Variants in MAPK4 observed in about 807,000 individuals in gnomAD.
The protein encoded by MAPK4 is Erk3-related.
In MAPK4, 22 loss-of-function variants were observed where a neutral mutation model predicts 47.7. That is an observed-to-expected ratio of 0.46 (90% confidence interval 0.33 to 0.66). The LOEUF (loss-of-function observed/expected upper bound fraction) is 0.66. MAPK4 is among the 30% of genes least tolerant of loss of function. The probability of loss-of-function intolerance (pLI) is 0.02; values close to 1 mark genes in which losing one functional copy is unlikely to be tolerated. For missense variants in MAPK4, 736 were observed against 831.7 expected (o/e 0.88, Z 1.42); for synonymous variants, 390 against 365.7 (o/e 1.07, Z -0.76).
intron 2 of MAPK4, among the ~76,000 whole-genome samples, chr18:50,694,826 T>C (rs1408377088): frequency 6.6e-6 from 1 of 152,164 alleles, no homozygotes; most frequent in African/African-American, 2.4e-5. Flanking sequence ...GGCATCCAGA[T>C]GTTAGTCATT....
Position 50,715,146 on chromosome 18 carries a change from A to T in MAPK4, c.614A>T (p.Asn205Ile). The T allele has an allele frequency of 1.9e-6, 3 of 1,614,092 alleles. No homozygotes were observed. Among genetic ancestry groups the T allele is most frequent in the Non-Finnish European group, 1.7e-6 (2 of 1,180,002 alleles). Residue 205 changes from asparagine (N) to isoleucine (I), a missense_variant, in exon 3 of 6, where the codon AAC becomes ATC. By Grantham distance (149) the Asn-to-Ile change is moderately radical (BLOSUM62 -3). This residue lies in a region of MAPK4 where 327 missense variants were observed against 395.4 expected (regional missense o/e 0.83). Coordinates refer to ENST00000400384, the MANE Select transcript of MAPK4 (RefSeq NM_002747.4). ...CCACGACTGCTCCTTTCCCCCAATA[A>T]CTACACCAAAGCCATCGACATGTGG... ...RSPRLLLSPNNYTKAIDMWAA... is the reference protein window; with the variant it reads ...RSPRLLLSPNIYTKAIDMWAA...
intron 1 of MAPK4, among the ~76,000 whole-genome samples, chr18:50,656,479 C>G (rs1390386693): frequency 6.6e-6 from 1 of 152,210 alleles, no homozygotes; most frequent in East Asian, 1.9e-4. Flanking sequence ...GAGTGATTAC[C>G]TCAGATGGAA....
chr18:50,693,119 C>T (rs972121027), intron 2 of MAPK4, among the ~76,000 whole-genome samples: 2 of 152,044 alleles, frequency 1.3e-5, no homozygotes, highest in African/African-American at 2.4e-5. Context: ...AGTAGCCTGG[C>T]ATGGTGGCGC....
Position 50,729,981 on chromosome 18 carries a change from C to T in MAPK4, c.*127C>T, listed in dbSNP as rs1911470668. 3 of 958,438 alleles carry T rather than the reference C, an allele frequency of 3.1e-6. No individual in the cohort carries two copies. The highest frequency in any genetic ancestry group is 4.1e-5 in the South Asian group (2 of 48,680). 59.4% of individuals were successfully genotyped at this position (958,438 alleles called of 1,614,324 possible). On this transcript the variant is annotated 3_prime_UTR_variant, in exon 6 of 6. Transcript: ENST00000400384. ...GGGTTGGCAGAACACGTGAAGGATC[C>T]GAGGAGCGAGAGGAATGTCCATTTC...
chr18:50,674,232 G>C (rs1312895742), intron 2 of MAPK4, among the ~76,000 whole-genome samples: 5 of 152,190 alleles, frequency 3.3e-5, no homozygotes, highest in Non-Finnish European at 4.4e-5. Flanking sequence ...ACAGGACACT[G>C]TCTTATTCTA....
At chr18:50,619,750 A>T (rs1425086628) in intron 1 of MAPK4, among the ~76,000 whole-genome samples, 2 of 152,242 alleles carry the variant, frequency 1.3e-5, no homozygotes, top group Non-Finnish European at 2.9e-5. Context: ...CTCACACTCC[A>T]TGGAAACCTA....
rs748988304 is a variant in MAPK4, at chr18:50,678,942, C to T, written c.546+14438C>T. On this transcript the variant is annotated intron_variant, in intron 2 of 5. Coordinates refer to ENST00000400384, the MANE Select transcript of MAPK4 (RefSeq NM_002747.4). The surrounding 1 kb of genome is among the most constrained non-coding windows in gnomAD (Gnocchi z 4.2). ...ATGGTCATGAAGATTTTTTTTGCAG[C>T]GTCTTCTGCATACAAATACTACCAT... 3.3e-5 allele frequency among the ~76,000 whole-genome samples: 5 copies of T among 152,038 alleles called. No individual in the cohort carries two copies. The highest frequency in any genetic ancestry group is 1.9e-4 in the East Asian group (1 of 5,186).
chr18:50,696,158 G>A (rs969242599), intron 2 of MAPK4, among the ~76,000 whole-genome samples: 2 of 151,660 alleles, frequency 1.3e-5, no homozygotes, highest in African/African-American at 2.4e-5. Context: ...CTTACCCTGT[G>A]CTGGAGCTCC....
Position 50,726,143 on chromosome 18 carries a change from C to T in MAPK4, c.1035C>T (p.Ser345=). The change falls in exon 5 of 6, where the codon AGC becomes AGT. Residue 345 remains serine, a synonymous_variant. Coordinates refer to ENST00000400384, the MANE Select transcript of MAPK4 (RefSeq NM_002747.4). The part of the protein sequence containing the change: ...DDIVLMAANQ[S]QLSNWDTCSS... ...TCGTGCTGATGGCCGCTAACCAGAG[C>T]CAGCTGTCCAACTGGGACACGTGCA... 6.2e-7 allele frequency: 1 copy of T among 1,614,106 alleles called. No homozygotes were observed. Among genetic ancestry groups the T allele is most frequent in the Non-Finnish European group, 8.5e-7 (1 of 1,180,044 alleles).
intron 1 of MAPK4, among the ~76,000 whole-genome samples, chr18:50,603,399 A>T (rs2042556605): frequency 6.6e-6 from 1 of 152,190 alleles, no homozygotes; most frequent in Middle Eastern, 3.2e-3. Flanking sequence ...ACCACAACAA[A>T]GAGGGGCTCT....
At chr18:50,598,438 A>G (rs1489907839) in intron 1 of MAPK4, among the ~76,000 whole-genome samples, 1 of 152,184 alleles carries the variant, frequency 6.6e-6, no homozygotes, top group Non-Finnish European at 1.5e-5. Flanking sequence ...TCTCTCTACA[A>G]TAAGCAATGG....
intron 1 of MAPK4, among the ~76,000 whole-genome samples, chr18:50,608,161 G>C (rs1227773301): frequency 1.3e-5 from 2 of 152,064 alleles, no homozygotes; most frequent in Non-Finnish European, 2.9e-5. Context: ...TAACTGTTTT[G>C]ACTGAGGATC....
chr18:50,665,736 G>A (rs1176421978), intron 2 of MAPK4, among the ~76,000 whole-genome samples: 1 of 152,204 alleles, frequency 6.6e-6, no homozygotes, highest in African/African-American at 2.4e-5. Flanking sequence ...AATCAGCCCA[G>A]CTGGCTCTGG....
intron 1 of MAPK4, among the ~76,000 whole-genome samples, chr18:50,600,179 C>T (rs544550213): frequency 1.3e-5 from 2 of 152,160 alleles, no homozygotes; most frequent in Admixed American, 6.5e-5. Context: ...AGAGAACAGT[C>T]GGCGACTTCC....
At chr18:50,591,964 G>A (rs2042440203) in intron 1 of MAPK4, among the ~76,000 whole-genome samples, 1 of 152,132 alleles carries the variant, frequency 6.6e-6, no homozygotes, top group Admixed American at 6.5e-5. Flanking sequence ...TCTGACTGCT[G>A]CAGTGGTTAA....
At chr18:50,619,766 A>G (rs569489302) in intron 1 of MAPK4, among the ~76,000 whole-genome samples, 1 of 152,358 alleles carries the variant, frequency 6.6e-6, no homozygotes, top group African/African-American at 2.4e-5. Flanking sequence ...ACCTACTCAT[A>G]ATGCTAAACC....
intron 3 of MAPK4, among the ~76,000 whole-genome samples, chr18:50,715,836 A>G (rs1470112482): frequency 2.0e-5 from 3 of 152,228 alleles, no homozygotes; most frequent in Non-Finnish European, 4.4e-5. Flanking sequence ...CTACTCAAAC[A>G]TCTTGAGACT....
At chr18:50,611,541 G>A (rs537408755) in intron 1 of MAPK4, among the ~76,000 whole-genome samples, 29 of 152,322 alleles carry the variant, frequency 1.9e-4, no homozygotes, top group African/African-American at 5.8e-4. Context: ...AGAAGGTGTC[G>A]CTGAGCTCCT....
intron 1 of MAPK4, among the ~76,000 whole-genome samples, chr18:50,574,889 A>T (rs2042281645): frequency 1.3e-5 from 2 of 152,216 alleles, no homozygotes; most frequent in African/African-American, 4.8e-5. Context: ...GGTGCACAAC[A>T]TCAATGTGAA....
Sources: allele counts gnomAD v4.1 joint callset (sites outside exome capture counted in the v4.1 genomes callset), GRCh38; gene constraint gnomAD v4.1.1; regional missense constraint gnomAD v4.1.1; non-coding constraint Gnocchi (gnomAD v3.1); transcripts MANE v1.5; gene names NCBI Gene and HGNC (gene_info 2026-07-23, HGNC 2026-07-21).